The following PRR16 variants were observed in gnomAD, a reference collection of about 807,000 sequenced individuals.
The protein encoded by PRR16 is protein Largen.
Under a neutral mutation model 18.2 loss-of-function variants are expected in PRR16, and 6 were observed. The observed-to-expected ratio is 0.33, with a 90% CI of 0.18 to 0.65. The LOEUF (loss-of-function observed/expected upper bound fraction) is 0.65, where lower values mean the gene tolerates loss of function less well. Ranked by LOEUF, PRR16 falls within the 30% of genes least tolerant of loss-of-function variation. The pLI is 0.74. For synonymous variants in PRR16, 151 were observed against 147.8 expected, an observed-to-expected ratio of 1.02 and a Z score of -0.16; for missense variants, 412 against 376.6, an observed-to-expected ratio of 1.09 and a Z score of -0.78.
the PRR16 span, among the ~76,000 whole-genome samples, chr5:120,737,074 T>C: frequency 1.3e-5 from 2 of 152,178 alleles, no homozygotes; most frequent in African/African-American, 2.4e-5. Flanking sequence ...AATGATTTTA[T>C]TTCTTCCTTT....
At chr5:120,612,528 A>G (rs1423134051) in intron 1 of PRR16, among the ~76,000 whole-genome samples, 1 of 152,070 alleles carries the variant, frequency 6.6e-6, no homozygotes, top group Non-Finnish European at 1.5e-5. Flanking sequence ...AAGTATTACG[A>G]TATCTGAAGG....
chr5:120,611,086 G>T (rs1754318767), intron 1 of PRR16, among the ~76,000 whole-genome samples: 1 of 152,166 alleles, frequency 6.6e-6, no homozygotes, highest in Admixed American at 6.5e-5. Flanking sequence ...AAGACTGGTG[G>T]TGTTTTGCCC....
At chr5:120,724,754 C>T in the PRR16 span, among the ~76,000 whole-genome samples, 1 of 151,936 alleles carries the variant, frequency 6.6e-6, no homozygotes, top group African/African-American at 2.4e-5. Context: ...TTTCCTAGCA[C>T]AACGTCTCAG....
chr5:120,481,682 A>T (rs999027322), intron 1 of PRR16, among the ~76,000 whole-genome samples: 1 of 152,192 alleles, frequency 6.6e-6, no homozygotes, highest in African/African-American at 2.4e-5. Flanking sequence ...GTTTCTGCAC[A>T]TTTAAGAGAA....
At chr5:120,701,630 C>A in the PRR16 span, among the ~76,000 whole-genome samples, 1 of 141,330 alleles carries the variant, frequency 7.1e-6, no homozygotes, top group Non-Finnish European at 1.6e-5. Context: ...GGATCTAGCT[C>A]GGCCTGGCAA....
intron 1 of PRR16, among the ~76,000 whole-genome samples, chr5:120,488,352 C>G (rs1749893076): frequency 6.6e-6 from 1 of 152,146 alleles, no homozygotes; most frequent in African/African-American, 2.4e-5. Flanking sequence ...TTCAGAGATT[C>G]AACTTCTTCC....
intron 1 of PRR16, among the ~76,000 whole-genome samples, chr5:120,681,434 G>C (rs1447229743): frequency 6.6e-6 from 1 of 152,090 alleles, no homozygotes; most frequent in East Asian, 1.9e-4. Context: ...GTTTAATTCT[G>C]ATTGTCCTAC....
chr5:120,615,934 G>A (rs1754496848), intron 1 of PRR16, among the ~76,000 whole-genome samples: 1 of 152,038 alleles, frequency 6.6e-6, no homozygotes, highest in African/African-American at 2.4e-5. Context: ...AACTCCTTGA[G>A]CTTATTCAAA....
At chr5:120,693,773 C>G in the PRR16 span, among the ~76,000 whole-genome samples, 1 of 151,636 alleles carries the variant, frequency 6.6e-6, no homozygotes, top group Middle Eastern at 3.4e-3. Flanking sequence ...TCAGTTGTAT[C>G]TTCTGTTTCC....
chr5:120,479,716 G>T (rs529854576), intron 1 of PRR16, among the ~76,000 whole-genome samples: 1 of 135,272 alleles, frequency 7.4e-6, no homozygotes, highest in African/African-American at 3.2e-5. Context: ...ACTTATTGCC[G>T]TTTACTGTTT....
chr5:120,667,234 A>C (rs1338092511), intron 1 of PRR16, among the ~76,000 whole-genome samples: 2 of 151,576 alleles, frequency 1.3e-5, no homozygotes, highest in African/African-American at 4.9e-5. Flanking sequence ...TTTCTAGTTT[A>C]TTTGCGTAGA....
chr5:120,653,235 A>G (rs140790328), intron 1 of PRR16, among the ~76,000 whole-genome samples: 6 of 151,798 alleles, frequency 4.0e-5, no homozygotes, highest in East Asian at 1.9e-4. Context: ...TTCACCTTGG[A>G]AAAAAAACAG....
At chr5:120,721,497 G>A in the PRR16 span, among the ~76,000 whole-genome samples, 61 of 152,094 alleles carry the variant, frequency 4.0e-4, 1 homozygote, top group South Asian at 0.012. Context: ...GAGACTAAGC[G>A]ATGCAATTAT....
chr5:120,743,661 T>C, the PRR16 span, among the ~76,000 whole-genome samples: 1 of 152,192 alleles, frequency 6.6e-6, no homozygotes, highest in African/African-American at 2.4e-5. Flanking sequence ...TGTTGTGCTC[T>C]TTCATGGTTA....
chr5:120,541,584 A>G (rs1751917446), intron 1 of PRR16, among the ~76,000 whole-genome samples: 1 of 152,256 alleles, frequency 6.6e-6, no homozygotes, highest in Non-Finnish European at 1.5e-5. Context: ...AATGACAAGC[A>G]ATTAAATAAT....
chr5:120,519,026 C>T (rs1823926), intron 1 of PRR16, among the ~76,000 whole-genome samples: 2 of 151,642 alleles, frequency 1.3e-5, no homozygotes, highest in Non-Finnish European at 2.9e-5. Context: ...AATAGTTTGG[C>T]GATAAATAAG....
intron 1 of PRR16, among the ~76,000 whole-genome samples, chr5:120,568,697 A>G (rs1225069359): frequency 6.6e-6 from 1 of 152,182 alleles, no homozygotes; most frequent in Non-Finnish European, 1.5e-5. Context: ...TGTGAGAATT[A>G]CACATTCTTT....
chr5:120,685,334 C>T (rs1419799581), intron 1 of PRR16, among the ~76,000 whole-genome samples: 2 of 152,126 alleles, frequency 1.3e-5, no homozygotes, highest in African/African-American at 4.8e-5. Context: ...GTCATAATAG[C>T]ACATATTCAA....
intron 1 of PRR16, among the ~76,000 whole-genome samples, chr5:120,647,858 A>G (rs1032686359): frequency 1.3e-5 from 2 of 152,082 alleles, no homozygotes; most frequent in African/African-American, 4.8e-5. Flanking sequence ...GCCAGTTTAC[A>G]TAATTTTGTT....
Sources: allele counts gnomAD v4.1 joint callset (sites outside exome capture counted in the v4.1 genomes callset), GRCh38; gene constraint gnomAD v4.1.1; transcripts MANE v1.5; gene names NCBI Gene and HGNC (gene_info 2026-07-23, HGNC 2026-07-21).